The following ARHGAP44 variants were observed in gnomAD, a reference collection of about 807,000 sequenced individuals.
The protein encoded by ARHGAP44 is Rho GTPase activating protein 44, also known as rho GTPase-activating protein 44.
A neutral mutation model predicts 106.8 loss-of-function variants in ARHGAP44; 43 were observed. The observed-to-expected ratio is 0.40, with a 90% CI of 0.32 to 0.52. The LOEUF (loss-of-function observed/expected upper bound fraction) is 0.52. Ranked by LOEUF, ARHGAP44 falls within the 20% of genes least tolerant of loss-of-function variation. The pLI, the probability that ARHGAP44 is intolerant of heterozygous loss-of-function variation, is 0.48. For synonymous variants in ARHGAP44, 439 were observed against 410.3 expected, an observed-to-expected ratio of 1.07 and a Z score of -0.85; for missense variants, 866 against 1,050.5, an observed-to-expected ratio of 0.82 and a Z score of 2.43.
At chr17:12,861,128 T>C (rs1179314309) in intron 1 of ARHGAP44, among the ~76,000 whole-genome samples, 1 of 152,054 alleles carries the variant, frequency 6.6e-6, no homozygotes, top group South Asian at 2.1e-4. Flanking sequence ...AGTGTTGGGG[T>C]TACAGGCGTG....
intron 1 of ARHGAP44, among the ~76,000 whole-genome samples, chr17:12,796,208 G>T (rs2033915057): frequency 6.6e-6 from 1 of 151,544 alleles, no homozygotes; most frequent in Admixed American, 6.6e-5. Flanking sequence ...ATACTGTTTT[G>T]TAACCTGTTT....
chr17:12,835,157 A>G (rs1248690656), intron 1 of ARHGAP44, among the ~76,000 whole-genome samples: 1 of 152,190 alleles, frequency 6.6e-6, no homozygotes, highest in East Asian at 1.9e-4. Flanking sequence ...TGACAAATTT[A>G]ATTTAGAATG....
chr17:12,961,736 A>G (rs1042700077), intron 16 of ARHGAP44, among the ~76,000 whole-genome samples: 2 of 150,586 alleles, frequency 1.3e-5, no homozygotes, highest in Admixed American at 6.6e-5. Flanking sequence ...TCTGTCTCCA[A>G]AAAAAAAAAG....
chr17:12,825,778 CA>C (rs2034902768), intron 1 of ARHGAP44, among the ~76,000 whole-genome samples: 2 of 152,030 alleles, frequency 1.3e-5, no homozygotes, highest in Non-Finnish European at 2.9e-5. Flanking sequence ...CAAGTTGACA[CA>C]AAAAAATTAA....
At chr17:12,934,179 G>A (rs139263385) in intron 7 of ARHGAP44, among the ~76,000 whole-genome samples, 2 of 152,208 alleles carry the variant, frequency 1.3e-5, no homozygotes, top group African/African-American at 4.8e-5. Context: ...CTTCACCCAC[G>A]TCTCTGTTTT....
chr17:12,795,801 G>A (rs557441198), intron 1 of ARHGAP44, among the ~76,000 whole-genome samples: 49 of 152,216 alleles, frequency 3.2e-4, no homozygotes, highest in African/African-American at 1.1e-3. Flanking sequence ...TCCCTCGGGC[G>A]TGGGGCATCC....
intron 1 of ARHGAP44, among the ~76,000 whole-genome samples, chr17:12,838,506 T>C (rs2035300415): frequency 6.6e-6 from 1 of 152,156 alleles, no homozygotes; most frequent in East Asian, 1.9e-4. Flanking sequence ...GGCTCCAACT[T>C]TAAAAAGTGC....
rs200810641 is a variant in ARHGAP44 at position 12,879,731 on chromosome 17, T to TAC, written c.54-15208_54-15207insCA. On this transcript the variant is annotated intron_variant, in intron 1 of 20. Coordinates refer to ENST00000379672, the MANE Select transcript of ARHGAP44 (RefSeq NM_014859.6). ...CACACACAGTTAAAAAATATATATA[T>TAC]ATACACACACACACACACACTTACA... Among the ~76,000 whole-genome samples, 388 of 149,826 alleles carry TAC rather than the reference T, an allele frequency of 2.6e-3. 10 individuals are homozygous for TAC. In the East Asian group the frequency reaches 0.044, roughly 17 times the overall value.
chr17:12,946,381 C>T (rs2038851210), intron 10 of ARHGAP44, among the ~76,000 whole-genome samples: 1 of 151,240 alleles, frequency 6.6e-6, no homozygotes, highest in Non-Finnish European at 1.5e-5. Flanking sequence ...CACAGTAGTT[C>T]ACACCTGTAA....
At chr17:12,912,535 A>C (rs7222249) in intron 4 of ARHGAP44, among the ~76,000 whole-genome samples, 1 of 151,998 alleles carries the variant, frequency 6.6e-6, no homozygotes, top group Non-Finnish European at 1.5e-5. Flanking sequence ...CCAACAGCAT[A>C]TTCCGGATCT....
At chr17:12,840,722 GGTGCCCCATGTAAAGAGCGGAGATTCAT>G (rs774264643) in intron 1 of ARHGAP44, among the ~76,000 whole-genome samples, 34 of 152,354 alleles carry the variant, frequency 2.2e-4, no homozygotes, top group Non-Finnish European at 4.1e-4. Flanking sequence ...ACCTGCTCAA[GGTGCCCCATGTAAAGAGCGGAGATTCAT>G]GTCATAGACA....
chr17:12,852,548 G>GTTTTTT lies in ARHGAP44; in HGVS notation c.54-42384_54-42379dup, dbSNP rs111855586. On this transcript the variant is annotated intron_variant, in intron 1 of 20. Transcript: ENST00000379672. ...CTATTCTCTTTGGTTTGTTTGCTGT[G>GTTTTTT]TTTTTTTTTTTTTGATGGCATCTTG... Among the ~76,000 whole-genome samples the GTTTTTT allele has an allele frequency of 8.7e-4, 121 of 139,120 alleles. 2 individuals carry two copies. In the East Asian group the frequency reaches 0.023, roughly 27 times the overall value. The allele number at this position is 139,120 out of a possible 152,430, so 91.3% of individuals were successfully genotyped here.
At chr17:12,984,029 C>A (rs886084310) in intron 19 of ARHGAP44, among the ~76,000 whole-genome samples, 20 of 152,286 alleles carry the variant, frequency 1.3e-4, no homozygotes, top group African/African-American at 4.6e-4. Flanking sequence ...GAGCCAGAAG[C>A]CACTGGACAG....
chr17:12,985,132 G>C (rs1014181377), intron 20 of ARHGAP44: 2 of 547,772 alleles, frequency 3.7e-6, no homozygotes, highest in African/African-American at 1.9e-5. Context: ...GATCTCTCTC[G>C]GTCTAAGCCC....
At chr17:12,794,093 G>A (rs2033847485) in intron 1 of ARHGAP44, among the ~76,000 whole-genome samples, 1 of 152,214 alleles carries the variant, frequency 6.6e-6, no homozygotes, top group African/African-American at 2.4e-5. Flanking sequence ...ATTGATGGCA[G>A]CATTTTTCTT....
chr17:12,904,825 G>A (rs936679028), intron 3 of ARHGAP44, among the ~76,000 whole-genome samples: 1 of 152,194 alleles, frequency 6.6e-6, no homozygotes. Context: ...TCTTTGGTGA[G>A]GGGAATGAAG....
intron 1 of ARHGAP44, among the ~76,000 whole-genome samples, chr17:12,876,250 C>G (rs1004662289): frequency 3.9e-5 from 6 of 152,154 alleles, no homozygotes; most frequent in African/African-American, 1.4e-4. Flanking sequence ...CAATCCCAAA[C>G]CTGTTCGGCT....
chr17:12,986,987 A>G, intron 20 of ARHGAP44: 1 of 943,958 alleles, frequency 1.1e-6, no homozygotes, highest in Non-Finnish European at 1.6e-6. Flanking sequence ...TCATGGTTTG[A>G]TGTGGCCCGT....
chr17:12,968,002 T>C (rs1300799361), intron 16 of ARHGAP44, among the ~76,000 whole-genome samples: 1 of 152,144 alleles, frequency 6.6e-6, no homozygotes, highest in Non-Finnish European at 1.5e-5. Flanking sequence ...AATGGGGAAA[T>C]CATGGTAAGC....
Sources: gnomAD v4.1 joint callset for allele counts (sites outside exome capture counted in the v4.1 genomes callset) on GRCh38, gnomAD v4.1.1 for gene constraint, MANE v1.5 for transcripts, NCBI Gene and HGNC (gene_info 2026-07-23, HGNC 2026-07-21) for gene names.